LRP1B: variants seen among roughly 807,000 people sequenced by gnomAD.
LRP1B encodes the protein LDL receptor related protein 1B, also known as low-density lipoprotein receptor-related protein 1B.
In LRP1B, 217 loss-of-function variants were observed where a neutral mutation model predicts 556.6. That is an observed-to-expected ratio of 0.39 (90% CI 0.35 to 0.44). The LOEUF is 0.44. Among genes scored for constraint, LRP1B ranks in the 20% least tolerant of loss-of-function variants. LRP1B has a pLI of 1.00. For synonymous variants in LRP1B, 2,047 were observed against 1,865.8 expected (o/e 1.10, Z -2.50); for missense variants, 5,053 against 5,620.8 (o/e 0.90, Z 3.23).
intron 77 of LRP1B, among the ~76,000 whole-genome samples, chr2:140,341,322 C>T (rs1681379641): frequency 6.6e-6 from 1 of 151,342 alleles, no homozygotes. Flanking sequence ...ATAAAATTTC[C>T]AAGTCTAAAC....
At chr2:141,366,434 A>C (rs1421417084) in intron 3 of LRP1B, among the ~76,000 whole-genome samples, 1 of 152,240 alleles carries the variant, frequency 6.6e-6, no homozygotes, top group African/African-American at 2.4e-5. Flanking sequence ...TTAAGGAATA[A>C]AATACGTCTA....
rs772980866 is a variant in LRP1B, at chr2:140,456,374, T to C, written c.9963+81A>G. 100 of 1,345,246 alleles carry C rather than the reference T, an allele frequency of 7.4e-5. 2 individuals carry two copies. In the Middle Eastern group the frequency reaches 4.0e-3, roughly 54 times the overall value. The allele number at this position is 1,345,246 out of a possible 1,614,324, so 83.3% of individuals were successfully genotyped here. A position where few individuals can be genotyped will look rare whatever the true frequency, so the allele number is the denominator to read the frequency against. On this transcript the variant is annotated intron_variant, in intron 62 of 90. Coordinates refer to ENST00000389484, the MANE Select transcript of LRP1B (RefSeq NM_018557.3). ...GTGACCATCTCTACAATGTATGGAA[T>C]GATCATTCAATGTTATGCTAAACAA...
chr2:140,835,461 C>A (rs76384005), intron 31 of LRP1B, among the ~76,000 whole-genome samples: 4 of 152,140 alleles, frequency 2.6e-5, no homozygotes, highest in African/African-American at 9.7e-5. Context: ...CCATAACCTG[C>A]CGCCAGGCTC....
intron 2 of LRP1B, among the ~76,000 whole-genome samples, chr2:141,611,650 G>C (rs939286338): frequency 1.3e-5 from 2 of 152,134 alleles, no homozygotes; most frequent in Admixed American, 1.3e-4. Context: ...ATGATTAACA[G>C]AAAAACAGTG....
intron 1 of LRP1B, among the ~76,000 whole-genome samples, chr2:141,939,656 G>A (rs1700737994): frequency 6.6e-6 from 1 of 152,010 alleles, no homozygotes; most frequent in Admixed American, 6.6e-5. Context: ...TATTATATAT[G>A]TTTTGATGTC....
chr2:140,579,418 T>G lies in LRP1B; in HGVS notation c.7194+19213A>C, dbSNP rs552578272. ...TTAGGTCCCTAACTTAAGGCCAAAG[T>G]ACCAGAAGACATGACCACTATCTCA... On this transcript the variant is annotated intron_variant, in intron 43 of 90. Coordinates refer to ENST00000389484, the MANE Select transcript of LRP1B (RefSeq NM_018557.3). Among the ~76,000 whole-genome samples, 25 of 152,238 alleles carry G rather than the reference T, an allele frequency of 1.6e-4. No homozygotes were observed. In the East Asian group the frequency reaches 4.6e-3, roughly 28 times the overall value.
chr2:140,393,072 C>T (rs947049286), intron 66 of LRP1B, among the ~76,000 whole-genome samples: 10 of 151,878 alleles, frequency 6.6e-5, no homozygotes, highest in Non-Finnish European at 1.3e-4. Context: ...CTGGACTACG[C>T]ACACACCACC....
rs375068766 is a variant in LRP1B, at chr2:141,276,343, A to G, written c.344-21702T>C. Among the ~76,000 whole-genome samples, 15 of 151,636 alleles carry G rather than the reference A, an allele frequency of 9.9e-5. No individual in the cohort carries two copies. The South Asian group carries it at 3.1e-3, about 32-fold the overall frequency. ...AGGGGTACATGTGCAGGTTTGCTATATAGGTAAGTTGTGTGTCACTGGGGT... is the reference window on the plus strand; with the variant it reads ...AGGGGTACATGTGCAGGTTTGCTATGTAGGTAAGTTGTGTGTCACTGGGGT... On this transcript the variant is annotated intron_variant, in intron 3 of 90. Coordinates refer to ENST00000389484, the MANE Select transcript of LRP1B (RefSeq NM_018557.3).
intron 6 of LRP1B, among the ~76,000 whole-genome samples, chr2:141,192,514 G>C (rs1293429268): frequency 6.6e-6 from 1 of 151,814 alleles, no homozygotes; most frequent in Admixed American, 6.6e-5. Flanking sequence ...ATCTCAAAAT[G>C]TAAGTCCCTT....
chr2:141,905,727 A>G (rs1699735169), intron 1 of LRP1B, among the ~76,000 whole-genome samples: 1 of 147,584 alleles, frequency 6.8e-6, no homozygotes, highest in African/African-American at 2.5e-5. Context: ...CATTCATATA[A>G]CCATCTTACA....
At chr2:141,888,714 G>A (rs1307781634) in intron 1 of LRP1B, among the ~76,000 whole-genome samples, 1 of 152,118 alleles carries the variant, frequency 6.6e-6, no homozygotes, top group Non-Finnish European at 1.5e-5. Context: ...TAAGGAGAGG[G>A]GATTAGAGCA....
intron 2 of LRP1B, among the ~76,000 whole-genome samples, chr2:141,743,486 C>CTTTTTTTTTTTTTTTTTTTTTTT (rs765968445): frequency 3.7e-5 from 4 of 108,034 alleles, no homozygotes; most frequent in Non-Finnish European, 3.6e-5. Flanking sequence ...CTGCTTTTTT[C>CTTTTTTTTTTTTTTTTTTTTTTT]TTTTTTTTTT....
chr2:140,428,024 T>A (rs1456588783), intron 66 of LRP1B, among the ~76,000 whole-genome samples: 1 of 152,186 alleles, frequency 6.6e-6, no homozygotes, highest in Non-Finnish European at 1.5e-5. Flanking sequence ...CAGATAACGT[T>A]TAGGCTCTTT....
chr2:140,551,114 G>A (rs746743824), intron 43 of LRP1B, among the ~76,000 whole-genome samples: 2 of 152,138 alleles, frequency 1.3e-5, no homozygotes, highest in Non-Finnish European at 2.9e-5. Context: ...CCAGAATTGT[G>A]AGAAATAAAT....
At chr2:141,571,948 C>T (rs192999470) in intron 2 of LRP1B, among the ~76,000 whole-genome samples, 3 of 152,130 alleles carry the variant, frequency 2.0e-5, no homozygotes, top group East Asian at 3.9e-4. Context: ...ACTGAACCGA[C>T]GATTGATTTG....
intron 1 of LRP1B, among the ~76,000 whole-genome samples, chr2:141,945,593 A>G (rs1243954003): frequency 1.3e-5 from 2 of 151,980 alleles, no homozygotes; most frequent in African/African-American, 4.8e-5. Context: ...ATTTATTGAT[A>G]GAAAAACATG....
At chr2:141,651,784 G>A (rs2028130) in intron 2 of LRP1B, among the ~76,000 whole-genome samples, 60,581 of 151,950 alleles carry the variant, frequency 0.4, 12,509 homozygotes, top group Middle Eastern at 0.47. Flanking sequence ...TAATCTTAAC[G>A]TAACTGAAGT....
chr2:140,900,347 T>A (rs116075361), intron 23 of LRP1B, among the ~76,000 whole-genome samples: 1,963 of 152,348 alleles, frequency 0.013, 24 homozygotes, highest in Middle Eastern at 0.024. Flanking sequence ...AGGTCAATAT[T>A]TGATCTATTG....
intron 3 of LRP1B, among the ~76,000 whole-genome samples, chr2:141,398,847 C>T (rs1251595102): frequency 6.6e-6 from 1 of 152,194 alleles, no homozygotes; most frequent in Non-Finnish European, 1.5e-5. Flanking sequence ...AGGAGACTGG[C>T]CTTACAAACA....
Sources: allele counts gnomAD v4.1 joint callset (sites outside exome capture counted in the v4.1 genomes callset), GRCh38; gene constraint gnomAD v4.1.1; transcripts MANE v1.5; gene names NCBI Gene and HGNC (gene_info 2026-07-23, HGNC 2026-07-21).